The following GPHN variants were observed in gnomAD, a reference collection of about 807,000 sequenced individuals.
GPHN encodes the protein gephyrin.
In GPHN, 17 loss-of-function variants were observed where a neutral mutation model predicts 95.5. The ratio of observed to expected loss-of-function variants is 0.18; its 90% CI spans 0.12 to 0.27. GPHN has a LOEUF of 0.27. Ranked by LOEUF, GPHN falls within the 10% of genes least tolerant of loss-of-function variation. The pLI, the probability that GPHN is intolerant of heterozygous loss-of-function variation, is 1.00. For synonymous variants in GPHN, 320 were observed against 322.5 expected (o/e 0.99, Z 0.08); for missense variants, 660 against 978.1 (o/e 0.67, Z 4.34).
intron 2 of GPHN, among the ~76,000 whole-genome samples, chr14:66,681,895 A>G (rs1445261017): frequency 6.6e-6 from 1 of 152,238 alleles, no homozygotes; most frequent in East Asian, 1.9e-4. Context: ...CAGAGTAAAG[A>G]AAATTGAATA....
At chr14:66,813,744 G>C (rs1201451479) in intron 3 of GPHN, among the ~76,000 whole-genome samples, 1 of 152,208 alleles carries the variant, frequency 6.6e-6, no homozygotes, top group Non-Finnish European at 1.5e-5. Flanking sequence ...TAGGAGAACT[G>C]TTGGACCTGA....
chr14:67,689,197 A>G, the GPHN span, among the ~76,000 whole-genome samples: 1 of 152,248 alleles, frequency 6.6e-6, no homozygotes, highest in Non-Finnish European at 1.5e-5. Context: ...CAGACTGGGC[A>G]TAAGGACTGA....
chr14:67,511,013 A>G, the GPHN span, among the ~76,000 whole-genome samples: 2 of 152,160 alleles, frequency 1.3e-5, no homozygotes, highest in African/African-American at 4.8e-5. Flanking sequence ...TGGCCCTTCA[A>G]TCTCCTTGGC....
At chr14:67,431,391 CAAAAAAAAAAAA>C in the GPHN span, among the ~76,000 whole-genome samples, 194 of 77,476 alleles carry the variant, frequency 2.5e-3, 1 homozygote, top group African/African-American at 7.8e-3. Flanking sequence ...GACTCTGTCT[CAAAAAAAAAAAA>C]AAAAAAAAAA....
rs1277372679 is a variant in GPHN, at chr14:67,047,360, G to GTGTGTT, written c.1007-11286_1007-11285insGTTTGT. 1.6e-3 allele frequency among the ~76,000 whole-genome samples: 219 copies of GTGTGTT among 133,648 alleles called. 2 individuals are homozygous for GTGTGTT. The highest frequency in any genetic ancestry group is 5.4e-3 in the African/African-American group (204 of 37,564). 87.7% of individuals were successfully genotyped at this position (133,648 alleles called of 152,430 possible). A position where few individuals can be genotyped will look rare whatever the true frequency, so the allele number is the denominator to read the frequency against. Reference sequence around the variant, plus strand: ...TGTGTGTGTGTGTGTGTGTGTGTGTGTGTTTGTTTTTTTTTTTTTTTTTGA... The same window carrying GTGTGTT: ...TGTGTGTGTGTGTGTGTGTGTGTGTGTGTGTTTGTTTGTTTTTTTTTTTTTTTTTGA... On this transcript the variant is annotated intron_variant, in intron 10 of 22. Transcript: ENST00000478722.
chr14:66,560,393 G>A (rs2060184453), intron 1 of GPHN, among the ~76,000 whole-genome samples: 1 of 152,124 alleles, frequency 6.6e-6, no homozygotes. Flanking sequence ...TCTTCCATTT[G>A]TTTGTATCCT....
chr14:67,148,660 A>G (rs941921366), intron 18 of GPHN, among the ~76,000 whole-genome samples: 2 of 143,166 alleles, frequency 1.4e-5, no homozygotes, highest in African/African-American at 5.3e-5. Context: ...TCCCGGGTTC[A>G]TGCCATTCTC....
At chr14:66,905,307 A>G (rs1323519012) in intron 5 of GPHN, among the ~76,000 whole-genome samples, 1 of 152,094 alleles carries the variant, frequency 6.6e-6, no homozygotes. Flanking sequence ...TTAAATTTTT[A>G]TCATAAATTT....
chr14:66,807,328 T>G (rs1242627192), intron 3 of GPHN, among the ~76,000 whole-genome samples: 1 of 152,174 alleles, frequency 6.6e-6, no homozygotes, highest in Non-Finnish European at 1.5e-5. Flanking sequence ...CATATCATCC[T>G]CATAACAAAC....
chr14:67,290,946 A>G, the GPHN span, among the ~76,000 whole-genome samples: 1 of 152,232 alleles, frequency 6.6e-6, no homozygotes, highest in Non-Finnish European at 1.5e-5. Flanking sequence ...TTAAAATTAA[A>G]TAGAAGTTAA....
chr14:66,551,928 G>T (rs1594931953), intron 1 of GPHN, among the ~76,000 whole-genome samples: 1 of 152,250 alleles, frequency 6.6e-6, no homozygotes, highest in Middle Eastern at 3.4e-3. Context: ...TTACAATTCT[G>T]CATGAAATTT....
the GPHN span, among the ~76,000 whole-genome samples, chr14:67,263,112 T>C: frequency 1.3e-5 from 2 of 152,166 alleles, no homozygotes; most frequent in South Asian, 4.1e-4. Context: ...TGGTCTTGAA[T>C]ATTTCCAAAG....
the GPHN span, chr14:67,585,923 C>T: frequency 3.8e-6 from 6 of 1,596,164 alleles, no homozygotes; most frequent in African/African-American, 1.3e-5. Context: ...GGAAAGTTTC[C>T]CCACAACTGA....
At chr14:66,948,346 CTCT>C (rs1236097347) in intron 8 of GPHN, among the ~76,000 whole-genome samples, 1 of 151,932 alleles carries the variant, frequency 6.6e-6, no homozygotes, top group Non-Finnish European at 1.5e-5. Context: ...TAAAAAAGAT[CTCT>C]TGATAGTCAT....
chr14:67,646,468 A>C, the GPHN span: 3 of 574,226 alleles, frequency 5.2e-6, no homozygotes, highest in Non-Finnish European at 9.3e-6. Context: ...TGCCCTTCTG[A>C]AACATTTCCA....
chr14:66,671,136 T>C (rs895957762), intron 1 of GPHN, among the ~76,000 whole-genome samples: 9 of 152,216 alleles, frequency 5.9e-5, no homozygotes, highest in African/African-American at 2.2e-4. Flanking sequence ...TGTCTTTTCA[T>C]GAAAATTGTT....
At chr14:66,830,679 A>G (rs1197791035) in intron 4 of GPHN, among the ~76,000 whole-genome samples, 1 of 152,120 alleles carries the variant, frequency 6.6e-6, no homozygotes, top group South Asian at 2.1e-4. Context: ...GACCTCTTTC[A>G]AGAGGGAAAA....
chr14:67,319,673 G>A, the GPHN span, among the ~76,000 whole-genome samples: 1 of 151,550 alleles, frequency 6.6e-6, no homozygotes, highest in Admixed American at 6.6e-5. Flanking sequence ...TTACAAATTC[G>A]CATTGGGCCC....
the GPHN span, among the ~76,000 whole-genome samples, chr14:67,502,907 C>T: frequency 6.6e-6 from 1 of 152,064 alleles, no homozygotes; most frequent in African/African-American, 2.4e-5. Flanking sequence ...AACAAAGTTC[C>T]AGCCTTTGGG....
Sources: gnomAD v4.1 joint callset for allele counts (sites outside exome capture counted in the v4.1 genomes callset) on GRCh38, gnomAD v4.1.1 for gene constraint, MANE v1.5 for transcripts, NCBI Gene and HGNC (gene_info 2026-07-23, HGNC 2026-07-21) for gene names.